The following MILR1 variants were observed in gnomAD, a reference collection of about 807,000 sequenced individuals.
MILR1 encodes mast cell immunoglobulin like receptor 1.
A neutral mutation model predicts 18.5 loss-of-function variants in MILR1; 31 were observed. That is an observed-to-expected ratio of 1.68 (90% CI 1.26 to 2.26). The LOEUF is 2.26. Among genes scored for constraint, MILR1 ranks in the 30% most tolerant of loss-of-function variants. The probability of loss-of-function intolerance (pLI) is 0.00; values close to 1 mark genes in which losing one functional copy is unlikely to be tolerated. For missense variants in MILR1, 257 were observed against 157.4 expected (o/e 1.63, Z -3.38); for synonymous variants, 85 against 56.2 (o/e 1.51, Z -2.30).
chr17:64,456,466 A>G (rs1156709995), intron 3 of MILR1, among the ~76,000 whole-genome samples: 4 of 152,112 alleles, frequency 2.6e-5, no homozygotes, highest in African/African-American at 7.2e-5. Context: ...GGAGGAAGTG[A>G]AAGATAATTG....
chr17:64,482,457 G>A, the MILR1 span, among the ~76,000 whole-genome samples: 1 of 151,952 alleles, frequency 6.6e-6, no homozygotes, highest in Non-Finnish European at 1.5e-5. Context: ...GAGTATCTGG[G>A]ACTACAGGTG....
At chr17:64,451,980 G>T (rs2037181681) in intron 2 of MILR1, among the ~76,000 whole-genome samples, 1 of 150,882 alleles carries the variant, frequency 6.6e-6, no homozygotes, top group South Asian at 2.1e-4. Context: ...AATGTTAATT[G>T]TCCAGATCAA....
the MILR1 span, among the ~76,000 whole-genome samples, chr17:64,484,721 C>A: frequency 1.3e-5 from 2 of 152,064 alleles, no homozygotes; most frequent in African/African-American, 4.8e-5. Context: ...AGCTACAAAC[C>A]ATTTATAAAC....
the MILR1 span, among the ~76,000 whole-genome samples, chr17:64,484,458 G>A: frequency 6.6e-6 from 1 of 152,172 alleles, no homozygotes; most frequent in South Asian, 2.1e-4. Flanking sequence ...CAAAAAGAGG[G>A]CTTCGGTTTT....
At chr17:64,465,935 G>C (rs138772603) in intron 6 of MILR1, among the ~76,000 whole-genome samples, 1 of 151,998 alleles carries the variant, frequency 6.6e-6, no homozygotes, top group South Asian at 2.1e-4. Flanking sequence ...CCAGCGCCTC[G>C]GCTGATGTAT....
chr17:64,485,224 G>T, the MILR1 span: 1 of 156,154 alleles, frequency 6.4e-6, no homozygotes, highest in Non-Finnish European at 1.4e-5. Context: ...TTCTCCTCTC[G>T]ATTTTCTTTG....
At chr17:64,454,707 A>C (rs1216024778) in intron 3 of MILR1, among the ~76,000 whole-genome samples, 2 of 152,218 alleles carry the variant, frequency 1.3e-5, no homozygotes, top group Admixed American at 1.3e-4. Context: ...AGAACCAATT[A>C]TCTTGGCCAG....
chr17:64,488,367 T>C, the MILR1 span, among the ~76,000 whole-genome samples: 2 of 152,150 alleles, frequency 1.3e-5, no homozygotes, highest in African/African-American at 4.8e-5. Flanking sequence ...GAAAAATTTC[T>C]GCAATAGGAA....
the MILR1 span, chr17:64,491,043 G>C: frequency 7.0e-6 from 8 of 1,139,446 alleles, no homozygotes; most frequent in Non-Finnish European, 9.3e-6. Context: ...TTATCTGTAA[G>C]AATTTAAATT....
At chr17:64,482,916 C>T in the MILR1 span, 3 of 1,500,958 alleles carry the variant, frequency 2.0e-6, no homozygotes, top group African/African-American at 2.8e-5. Flanking sequence ...TCATTTAACT[C>T]ACCTGTCTTA....
downstream of MILR1, among the ~76,000 whole-genome samples, chr17:64,469,676 G>A (rs1205982754): frequency 1.3e-5 from 2 of 152,192 alleles, no homozygotes; most frequent in Non-Finnish European, 2.9e-5. Flanking sequence ...TGGGATTACA[G>A]GCGTGAGCCA....
the MILR1 span, chr17:64,496,596 C>A: frequency 6.2e-7 from 1 of 1,613,712 alleles, no homozygotes; most frequent in South Asian, 1.1e-5. Flanking sequence ...ACCGGGAATA[C>A]CTGCTCCCTG....
the MILR1 span, chr17:64,496,942 G>C: frequency 6.2e-7 from 1 of 1,608,932 alleles, no homozygotes; most frequent in South Asian, 1.1e-5. Context: ...CCTTATGGCA[G>C]GCCCTGACGG....
At chr17:64,469,879 C>T (rs1256729969), downstream of MILR1, among the ~76,000 whole-genome samples, 3 of 152,088 alleles carry the variant, frequency 2.0e-5, no homozygotes, top group Admixed American at 6.6e-5. Context: ...CTACTGAGAC[C>T]CGACCCTGGT....
At chr17:64,473,313 T>C (rs1317509545), downstream of MILR1, among the ~76,000 whole-genome samples, 4 of 146,784 alleles carry the variant, frequency 2.7e-5, no homozygotes, top group Admixed American at 1.4e-4. Context: ...ATCGCGCCAC[T>C]GCACTCCAGC....
At chr17:64,456,995 G>A (rs1290218509) in intron 3 of MILR1, among the ~76,000 whole-genome samples, 1 of 151,984 alleles carries the variant, frequency 6.6e-6, no homozygotes, top group African/African-American at 2.4e-5. Flanking sequence ...TGGCCAACAT[G>A]GTAAGGCCCT....
chr17:64,464,489 C>T (rs1457229986), intron 5 of MILR1, among the ~76,000 whole-genome samples: 4 of 152,068 alleles, frequency 2.6e-5, no homozygotes, highest in Non-Finnish European at 5.9e-5. Context: ...ATCCTCCCAC[C>T]TCAGCTTCCC....
At chr17:64,492,133 C>T in the MILR1 span, among the ~76,000 whole-genome samples, 1 of 152,164 alleles carries the variant, frequency 6.6e-6, no homozygotes. Context: ...GAAAGTATCA[C>T]ATAGTCCTCA....
the MILR1 span, chr17:64,485,886 A>G: frequency 1.2e-4 from 186 of 1,613,390 alleles, no homozygotes; most frequent in Non-Finnish European, 1.4e-4. Flanking sequence ...GAAAAACAGA[A>G]GAAAAATAAT....
Sources: gnomAD v4.1 joint callset for allele counts (sites outside exome capture counted in the v4.1 genomes callset) on GRCh38, gnomAD v4.1.1 for gene constraint, MANE v1.5 for transcripts, NCBI Gene and HGNC (gene_info 2026-07-23, HGNC 2026-07-21) for gene names.